The following PLCB4 variants were observed in gnomAD, a reference collection of about 807,000 sequenced individuals.
PLCB4 encodes 1-phosphatidylinositol 4,5-bisphosphate phosphodiesterase beta-4.
Under a neutral mutation model 178.8 loss-of-function variants are expected in PLCB4, and 77 were observed. The ratio of observed to expected loss-of-function variants is 0.43; its 90% CI spans 0.36 to 0.52. PLCB4 has a LOEUF of 0.52. PLCB4 is among the 20% of genes least tolerant of loss of function. The pLI is 0.00. For synonymous variants in PLCB4, 496 were observed against 490.8 expected, an observed-to-expected ratio of 1.01 and a Z score of -0.14; for missense variants, 1,024 against 1,453.4, an observed-to-expected ratio of 0.70 and a Z score of 4.80.
In PLCB4 at chr20:9,456,913, C is replaced by T. The variant is rs149116437; in HGVS notation, c.2997-501C>T. Among the ~76,000 whole-genome samples the T allele has an allele frequency of 2.6e-5, 4 of 152,272 alleles. No individual in the cohort carries two copies. In the South Asian group the frequency reaches 6.2e-4, roughly 24 times the overall value. On this transcript the variant is annotated intron_variant, in intron 33 of 39. Coordinates refer to ENST00000378473, the MANE Select transcript of PLCB4 (RefSeq NM_001377142.1). Reference sequence around the variant, plus strand: ...TAAGCAGTAATAGTTGCTGGGCACTCGCCTAGCATATATTTCCTACTCACA... The same window carrying T: ...TAAGCAGTAATAGTTGCTGGGCACTTGCCTAGCATATATTTCCTACTCACA...
chr20:9,390,599 C>A lies in PLCB4; in HGVS notation c.1307C>A (p.Ala436Glu). The A allele has an allele frequency of 6.6e-7, 1 of 1,505,220 alleles. No individual in the cohort carries two copies. Among genetic ancestry groups the A allele is most frequent in the African/African-American group, 1.4e-5 (1 of 72,820 alleles). The allele number at this position is 1,505,220 out of a possible 1,614,324, so 93.2% of individuals were successfully genotyped here. A position where few individuals can be genotyped will look rare whatever the true frequency, so the allele number is the denominator to read the frequency against. Residue 436 changes from alanine to glutamate, a missense_variant, in exon 17 of 40, where the codon GCA becomes GAA. This residue lies in a region of PLCB4 where 263 missense variants were observed against 417.4 expected (regional missense o/e 0.63). Coordinates refer to ENST00000378473, the MANE Select transcript of PLCB4 (RefSeq NM_001377142.1). The part of the protein sequence containing the change: ...DLFGDLLLKQ[A>E]LESHPLEPGR... Reference sequence around the variant, plus strand: ...TTTGGGGATCTCCTGTTGAAACAAGCACTTGAATCACATCCAGTATGTATT... The same window carrying A: ...TTTGGGGATCTCCTGTTGAAACAAGAACTTGAATCACATCCAGTATGTATT...
At chr20:9,369,530 A>G (rs1370507908) in intron 9 of PLCB4, among the ~76,000 whole-genome samples, 1 of 152,196 alleles carries the variant, frequency 6.6e-6, no homozygotes, top group Non-Finnish European at 1.5e-5. Context: ...TATTGATGTC[A>G]CACACATATT....
intron 3 of PLCB4, among the ~76,000 whole-genome samples, chr20:9,241,912 T>C (rs989755073): frequency 3.3e-5 from 5 of 152,142 alleles, no homozygotes; most frequent in African/African-American, 1.2e-4. Context: ...AGTGGGTCAG[T>C]TGGGGGCTGG....
intron 14 of PLCB4, among the ~76,000 whole-genome samples, chr20:9,384,691 A>G (rs2037427188): frequency 6.6e-6 from 1 of 152,204 alleles, no homozygotes; most frequent in Admixed American, 6.5e-5. Flanking sequence ...GCATATTGTA[A>G]GAAGGCGTGT....
intron 3 of PLCB4, among the ~76,000 whole-genome samples, chr20:9,263,000 T>C (rs11696820): frequency 0.011 from 1,740 of 152,298 alleles, 14 homozygotes; most frequent in Non-Finnish European, 0.019. Flanking sequence ...TCCAGTGCTG[T>C]TTTTCTCTGC....
chr20:9,078,346 T>TTGTTTTCTTC (rs1334538107), intron 1 of PLCB4, among the ~76,000 whole-genome samples: 11 of 57,228 alleles, frequency 1.9e-4, no homozygotes, highest in East Asian at 8.6e-4. Flanking sequence ...ATACCTTCTT[T>TTGTTTTCTTC]TCTTTTCTTC....
chr20:9,078,990 G>T (rs1286861309), intron 1 of PLCB4, among the ~76,000 whole-genome samples: 1 of 152,152 alleles, frequency 6.6e-6, no homozygotes, highest in Non-Finnish European at 1.5e-5. Flanking sequence ...TTCAGATTCT[G>T]ATTGTATGCC....
At chr20:9,188,261 G>T (rs1031910711) in intron 2 of PLCB4, among the ~76,000 whole-genome samples, 1 of 152,234 alleles carries the variant, frequency 6.6e-6, no homozygotes, top group Non-Finnish European at 1.5e-5. Context: ...ATTGGCAGGG[G>T]CCTGAAGGTG....
At chr20:9,336,731 C>G (rs1433145516) in intron 4 of PLCB4, among the ~76,000 whole-genome samples, 1 of 120,620 alleles carries the variant, frequency 8.3e-6, no homozygotes, top group Non-Finnish European at 1.8e-5. Context: ...ATTTTACAGA[C>G]AAAAAAAAAA....
intron 3 of PLCB4, among the ~76,000 whole-genome samples, chr20:9,292,766 T>C (rs2094591671): frequency 6.6e-6 from 1 of 152,096 alleles, no homozygotes. Context: ...GGAGCAGGTA[T>C]ACACAGAAAT....
At chr20:9,151,971 C>T (rs1160886703) in intron 2 of PLCB4, among the ~76,000 whole-genome samples, 1 of 152,094 alleles carries the variant, frequency 6.6e-6, no homozygotes, top group Non-Finnish European at 1.5e-5. Flanking sequence ...GCAAAGGTGA[C>T]TCTTATTATG....
In PLCB4 at chr20:9,401,543, G is replaced by C; in HGVS notation, c.1564G>C (p.Ala522Pro). The C allele has an allele frequency of 6.2e-7, 1 of 1,613,928 alleles. No homozygotes were observed. Among genetic ancestry groups the C allele is most frequent in the Non-Finnish European group, 8.5e-7 (1 of 1,179,884 alleles). Residue 522 changes from alanine to proline, a missense_variant, in exon 20 of 40, where the codon GCT (alanine) becomes CCT (proline). By Grantham distance (27) the Ala-to-Pro change is conservative. Transcript: ENST00000378473. ...ATTCAAATTTGGAAATGAACTTTCT[G>C]CTGATGACTTGGGTCACAAGGAAGC... ...PEFKFGNELSADDLGHKEAVA... is the reference protein window; with the variant it reads ...PEFKFGNELSPDDLGHKEAVA...
chr20:9,069,333 C>T (rs2089445546), intron 1 of PLCB4, 127 bp downstream of exon 1: 2 of 152,290 alleles, frequency 1.3e-5, no homozygotes, highest in South Asian at 4.1e-4. Flanking sequence ...CAGCGGGGAC[C>T]CCGTGCAGGT....
At chr20:9,092,553 A>G (rs1009921780) in intron 1 of PLCB4, among the ~76,000 whole-genome samples, 2 of 152,142 alleles carry the variant, frequency 1.3e-5, no homozygotes, top group African/African-American at 4.8e-5. Flanking sequence ...GAAGGGGGAA[A>G]ATAAGTTATT....
At chr20:9,206,890 G>T (rs1231421117) in intron 2 of PLCB4, among the ~76,000 whole-genome samples, 1 of 152,140 alleles carries the variant, frequency 6.6e-6, no homozygotes, top group East Asian at 1.9e-4. Flanking sequence ...AGGCTGAGAT[G>T]GGTAGATCAC....
At chr20:9,362,806 C>T (rs2035459998) in intron 7 of PLCB4, 90 bp from the exon 8 acceptor site, 3 of 774,086 alleles carry the variant, frequency 3.9e-6, no homozygotes, top group South Asian at 2.9e-5. Context: ...GTTTTTATTA[C>T]ACAAAATGGA....
At chr20:9,377,477 A>G (rs1231123875) in intron 12 of PLCB4, among the ~76,000 whole-genome samples, 1 of 152,096 alleles carries the variant, frequency 6.6e-6, no homozygotes, top group African/African-American at 2.4e-5. Context: ...TCTAATGCAA[A>G]TCTTATATTT....
intron 2 of PLCB4, among the ~76,000 whole-genome samples, chr20:9,211,613 T>C (rs2147244070): frequency 6.6e-6 from 1 of 152,308 alleles, no homozygotes; most frequent in South Asian, 2.1e-4. Context: ...AACTTATGAC[T>C]CATCTTTTCC....
At chr20:9,218,472 G>A (rs1568968500) in intron 3 of PLCB4, among the ~76,000 whole-genome samples, 1 of 152,110 alleles carries the variant, frequency 6.6e-6, no homozygotes, top group Non-Finnish European at 1.5e-5. Flanking sequence ...CTTACCTTCA[G>A]GAACAAGAGG....
Sources: gnomAD v4.1 joint callset for allele counts (sites outside exome capture counted in the v4.1 genomes callset) on GRCh38, gnomAD v4.1.1 for gene constraint, gnomAD v4.1.1 regional missense constraint, MANE v1.5 for transcripts, NCBI Gene and HGNC (gene_info 2026-07-23, HGNC 2026-07-21) for gene names.